The following SUN5 variants were observed in gnomAD, a reference collection of about 807,000 sequenced individuals.
SUN5 encodes SUN domain-containing protein 5.
SUN5 carries 44 observed loss-of-function variants against 53.7 expected under a neutral mutation model. The observed-to-expected ratio is 0.82, with a 90% CI of 0.64 to 1.05. SUN5 has a LOEUF of 1.05. SUN5 is among the 50% of genes least tolerant of loss of function. SUN5 has a pLI of 0.00. For synonymous variants in SUN5, 166 were observed against 179.8 expected (o/e 0.92, Z 0.62); for missense variants, 433 against 483.8 (o/e 0.90, Z 0.98).
At chr20:32,987,155 G>C (rs1385024017) in intron 10 of SUN5, among the ~76,000 whole-genome samples, 1 of 152,222 alleles carries the variant, frequency 6.6e-6, no homozygotes, top group Non-Finnish European at 1.5e-5. Context: ...TTCCTCATCT[G>C]TGAGGCAGGA....
chr20:32,995,526 A>C, intron 8 of SUN5, 93 bp downstream of exon 8: 1 of 1,059,654 alleles, frequency 9.4e-7, no homozygotes, highest in Non-Finnish European at 1.4e-6. Context: ...TCAAAATGAG[A>C]GATAAAACCA....
In SUN5 at chr20:33,002,859, A is replaced by T. The variant is rs1186319032; in HGVS notation, c.136+2T>A. On this transcript the variant is annotated splice_donor_variant, in intron 2 of 12. Transcript: ENST00000356173. LOFTEE classifies it high-confidence loss of function. The stretch of plus-strand genomic sequence containing the variant: ...AATACCAGGGCACCTGTCCTTGCTC[A>T]CTCATGTTTGGGGAGGTGTCCTCTG... 1 of 1,613,926 alleles carries T rather than the reference A, an allele frequency of 6.2e-7. No individual in the cohort carries two copies. Among genetic ancestry groups the T allele is most frequent in the South Asian group, 1.1e-5 (1 of 91,064 alleles).
intron 12 of SUN5, 27 bp downstream of exon 12, chr20:32,985,072 T>C (rs1347012230): frequency 6.2e-7 from 1 of 1,610,114 alleles, no homozygotes; most frequent in Admixed American, 1.7e-5. Flanking sequence ...CAGCAGGTGC[T>C]CAGCACAGGC....
intron 11 of SUN5, 50 bp downstream of exon 11, chr20:32,985,686 G>A (rs1989517036): frequency 6.3e-7 from 1 of 1,593,062 alleles, no homozygotes; most frequent in Non-Finnish European, 8.6e-7. Flanking sequence ...TATCACCATT[G>A]GAAGGTTGTC....
intron 8 of SUN5, among the ~76,000 whole-genome samples, chr20:32,989,966 C>G (rs1259673791): frequency 1.3e-5 from 2 of 152,168 alleles, no homozygotes; most frequent in East Asian, 1.9e-4. Context: ...GGCAGGGGCT[C>G]TGACGTCAGG....
chr20:33,000,025 G>C (rs769319998), intron 5 of SUN5, 49 bp downstream of exon 5: 1 of 1,587,242 alleles, frequency 6.3e-7, no homozygotes, highest in Non-Finnish European at 8.6e-7. Flanking sequence ...ATCAGTGCCA[G>C]GGCCCAGGGA....
At chr20:33,003,372 A>G (rs1990105453) in intron 1 of SUN5, among the ~76,000 whole-genome samples, 1 of 151,982 alleles carries the variant, frequency 6.6e-6, no homozygotes, top group Admixed American at 6.6e-5. Flanking sequence ...GCTAAATGAG[A>G]CCCACAGAAA....
chr20:32,988,905 T>C (rs989448232), intron 9 of SUN5, among the ~76,000 whole-genome samples: 6 of 149,504 alleles, frequency 4.0e-5, no homozygotes, highest in African/African-American at 1.2e-4. Flanking sequence ...CACTGATTCT[T>C]TTTTTTATTA....
rs1489974292 is a variant in SUN5, at chr20:33,000,065, G to A, written c.340+9C>T. 6.2e-7 allele frequency: 1 copy of A among 1,607,986 alleles called. No individual in the cohort carries two copies. The highest frequency in any genetic ancestry group is 1.1e-5 in the South Asian group (1 of 88,888). On this transcript the variant is annotated intron_variant, in intron 5 of 12. Coordinates refer to ENST00000356173, the MANE Select transcript of SUN5 (RefSeq NM_080675.4). ...TCCACCTGGGACTGGGCAGGGCCCT[G>A]GGACACACCGAAAGCACAGAGGAGC...
chr20:33,002,513 C>A (rs1990076196), intron 3 of SUN5, 74 bp downstream of exon 3: 4 of 1,495,980 alleles, frequency 2.7e-6, no homozygotes, highest in Non-Finnish European at 3.7e-6. Flanking sequence ...ACCCCCAGGT[C>A]AGCCTGGGCC....
chr20:32,989,771 G>C, intron 8 of SUN5, 73 bp from the exon 9 acceptor site: 1 of 1,274,704 alleles, frequency 7.8e-7, no homozygotes, highest in Admixed American at 1.8e-5. Context: ...GTCCACGGGA[G>C]GTAACAGGGG....
intron 9 of SUN5, among the ~76,000 whole-genome samples, chr20:32,988,430 G>T (rs563807203): frequency 6.6e-6 from 1 of 152,066 alleles, no homozygotes; most frequent in Non-Finnish European, 1.5e-5. Context: ...GGCTCTCACC[G>T]GCCTCCTCAC....
chr20:32,998,193 A>C (rs973112507), intron 5 of SUN5, among the ~76,000 whole-genome samples: 2 of 150,732 alleles, frequency 1.3e-5, no homozygotes, highest in African/African-American at 4.9e-5. Context: ...AAAAAAAAAA[A>C]AAAAAATACA....
chr20:32,990,430 C>T (rs1989680627), intron 8 of SUN5, among the ~76,000 whole-genome samples: 1 of 152,220 alleles, frequency 6.6e-6, no homozygotes, highest in Non-Finnish European at 1.5e-5. Context: ...CAAGGTCTCC[C>T]ATTCCAGGCT....
At chr20:32,997,246 C>T (rs1032455813) in intron 6 of SUN5, among the ~76,000 whole-genome samples, 2 of 152,198 alleles carry the variant, frequency 1.3e-5, no homozygotes, top group Non-Finnish European at 2.9e-5. Context: ...TACTTATTTC[C>T]TCCTCCTTCC....
At chr20:33,002,435 G>T in intron 3 of SUN5, 152 bp downstream of exon 3, 4 of 709,964 alleles carry the variant, frequency 5.6e-6, no homozygotes, top group South Asian at 1.7e-5. Context: ...TGATACCTCC[G>T]ATGGGTAGAA....
chr20:33,001,379 G>A, intron 3 of SUN5, 101 bp from the exon 4 acceptor site: 1 of 1,358,854 alleles, frequency 7.4e-7, no homozygotes, highest in Non-Finnish European at 1.0e-6. Flanking sequence ...CCCTGGAGCT[G>A]GGAGACCCTC....
chr20:32,995,809 GCT>G, intron 7 of SUN5, 82 bp from the exon 8 acceptor site: 1 of 1,302,518 alleles, frequency 7.7e-7, no homozygotes, highest in Non-Finnish European at 1.1e-6. Flanking sequence ...TTGCTAGTTG[GCT>G]CTCAAAGAAT....
chr20:32,999,983 TG>T (rs1221985640), intron 5 of SUN5, 90 bp downstream of exon 5: 1 of 1,562,378 alleles, frequency 6.4e-7, no homozygotes, highest in East Asian at 2.3e-5. Flanking sequence ...CTGAGTCACG[TG>T]GCAGTGCAGT....
Sources: gnomAD v4.1 joint callset for allele counts (sites outside exome capture counted in the v4.1 genomes callset) on GRCh38, gnomAD v4.1.1 for gene constraint, MANE v1.5 for transcripts, NCBI Gene and HGNC (gene_info 2026-07-23, HGNC 2026-07-21) for gene names.